Variants in THRA observed in about 807,000 individuals in gnomAD.
The protein encoded by THRA is thyroid hormone receptor alpha, also known as EAR-7.
Under a neutral mutation model 45.0 loss-of-function variants are expected in THRA, and 13 were observed. The ratio of observed to expected loss-of-function variants is 0.29; its 90% CI spans 0.19 to 0.46. THRA has a LOEUF of 0.46. Ranked by LOEUF, THRA falls within the 20% of genes least tolerant of loss-of-function variation. The pLI is 1.00. For synonymous variants in THRA, 195 were observed against 214.0 expected, an observed-to-expected ratio of 0.91 and a Z score of 0.78; for missense variants, 278 against 556.1, an observed-to-expected ratio of 0.50 and a Z score of 5.03.
At position 40,092,969 on chromosome 17, in the gene THRA, A is replaced by G. The variant is rs747714385; in HGVS notation, c.*3513A>G. On this transcript the variant is annotated 3_prime_UTR_variant, in exon 9 of 9. Coordinates refer to ENST00000450525, the MANE Select transcript of THRA (RefSeq NM_199334.5). ...CCAGAGGCTCATCTTGGAATATTTT[A>G]TAACAATATAAATAAGATTCTGGTT... 5.1e-6 allele frequency: 8 copies of G among 1,583,430 alleles called. No homozygotes were observed. Among genetic ancestry groups the G allele is most frequent in the Non-Finnish European group, 3.4e-6 (4 of 1,162,336 alleles).
Position 40,088,235 on chromosome 17 carries a change from T to C in THRA, c.724-7T>C, listed in dbSNP as rs1180450326. 6.3e-7 allele frequency: 1 copy of C among 1,576,322 alleles called. No individual in the cohort carries two copies. The highest frequency in any genetic ancestry group is 2.2e-5 in the East Asian group (1 of 44,526). On this transcript the variant is annotated splice_region_variant and splice_polypyrimidine_tract_variant and intron_variant, in intron 7 of 8. Coordinates refer to ENST00000450525, the MANE Select transcript of THRA (RefSeq NM_199334.5). ...CTGAGTGCTCCTGTGGCCCTGCCGC[T>C]CCACAGCTGCCTTGCGAAGACCAGA...
intron 1 of THRA, among the ~76,000 whole-genome samples, chr17:40,067,709 T>A (rs903943746): frequency 1.3e-5 from 2 of 151,890 alleles, no homozygotes; most frequent in African/African-American, 2.4e-5. Flanking sequence ...GCCTTTGGAG[T>A]GGGAACCAAT....
chr17:40,092,979 AAAT>A lies in THRA; in HGVS notation c.*3526_*3528del. Reference sequence around the variant, plus strand: ...ATCTTGGAATATTTTATAACAATATAAATAAGATTCTGGTTTGCTTTTCCTTTT... The same window carrying A: ...ATCTTGGAATATTTTATAACAATATAAAGATTCTGGTTTGCTTTTCCTTTT... On this transcript the variant is annotated 3_prime_UTR_variant, in exon 9 of 9. Coordinates refer to ENST00000450525, the MANE Select transcript of THRA (RefSeq NM_199334.5). The A allele has an allele frequency of 6.3e-7, 1 of 1,592,882 alleles. No individual in the cohort carries two copies. The highest frequency in any genetic ancestry group is 2.2e-5 in the East Asian group (1 of 44,490).
In THRA at chr17:40,088,092, T is replaced by C. The variant is rs537410080; in HGVS notation, c.724-150T>C. The C allele has an allele frequency of 9.6e-6, 10 of 1,044,234 alleles. No homozygotes were observed. In the African/African-American group the frequency reaches 1.3e-4, roughly 13 times the overall value. 64.7% of individuals were successfully genotyped at this position (1,044,234 alleles called of 1,614,324 possible). On this transcript the variant is annotated intron_variant, in intron 7 of 8. Coordinates refer to ENST00000450525, the MANE Select transcript of THRA (RefSeq NM_199334.5). ...GCATAACTGTGAGGCTTAAATGGAA[T>C]AGGGCATGCACATGGCCCAATACAA...
At chr17:40,084,379 G>T in intron 5 of THRA, 1 of 567,396 alleles carries the variant, frequency 1.8e-6, no homozygotes, top group South Asian at 2.0e-5. Context: ...TAATCCGTTA[G>T]ACCAGAACAT....
In THRA at chr17:40,083,828, A is replaced by T. The variant is rs749828350; in HGVS notation, c.223-7A>T. ...GATCACAGCCTGCTCCATCTCCCCC[A>T]CCCCAGGGCTTCTTTCGCCGCACAA... On this transcript the variant is annotated splice_polypyrimidine_tract_variant and splice_region_variant and intron_variant, in intron 4 of 8. Transcript: ENST00000450525. The T allele has an allele frequency of 2.5e-6, 4 of 1,592,836 alleles. No individual in the cohort carries two copies. Among genetic ancestry groups the T allele is most frequent in the Non-Finnish European group, 3.4e-6 (4 of 1,168,268 alleles).
At chr17:40,087,113 CAT>C (rs1225441301) in intron 7 of THRA, 5 of 470,520 alleles carry the variant, frequency 1.1e-5, no homozygotes, top group East Asian at 4.0e-5. Flanking sequence ...TACACACACA[CAT>C]ACACCCAGCA....
chr17:40,076,810 G>A lies in THRA; in HGVS notation c.54-61G>A, dbSNP rs368550429. The A allele has an allele frequency of 5.8e-5, 91 of 1,565,808 alleles. No individual in the cohort carries two copies. In the Middle Eastern group the frequency reaches 2.3e-3, roughly 40 times the overall value. ...CCTTGGGGGATTGCATAAGCCTCTCGGATGAGAAAGGGGCTACTCGAAGAC... is the reference window on the plus strand; with the variant it reads ...CCTTGGGGGATTGCATAAGCCTCTCAGATGAGAAAGGGGCTACTCGAAGAC... On this transcript the variant is annotated intron_variant, in intron 2 of 8. Transcript: ENST00000450525.
Position 40,089,984 on chromosome 17 carries a change from C to T in THRA, c.*528C>T. 1.0e-6 allele frequency: 1 copy of T among 988,650 alleles called. No individual in the cohort carries two copies. The highest frequency in any genetic ancestry group is 1.2e-6 in the Non-Finnish European group (1 of 831,918). 61.2% of individuals were successfully genotyped at this position (988,650 alleles called of 1,614,324 possible). A position where few individuals can be genotyped will look rare whatever the true frequency, so the allele number is the denominator to read the frequency against. ...TTAAAATTTATAGTCATTCTAACTG[C>T]ACTTTGGAAACCAAGCAAGGGGAGA... On this transcript the variant is annotated 3_prime_UTR_variant, in exon 9 of 9. Transcript: ENST00000450525. The surrounding 1 kb of genome is among the most constrained non-coding windows in gnomAD (Gnocchi z 6.1).
At chr17:40,070,629 C>A (rs1270579861) in intron 1 of THRA, among the ~76,000 whole-genome samples, 1 of 152,174 alleles carries the variant, frequency 6.6e-6, no homozygotes, top group African/African-American at 2.4e-5. Flanking sequence ...CAGCATCGCC[C>A]TTCCTGGCTC....
chr17:40,083,937 C>T lies in THRA; in HGVS notation c.325C>T (p.Leu109=). The T allele has an allele frequency of 1.2e-6, 2 of 1,613,942 alleles. No homozygotes were observed. The highest frequency in any genetic ancestry group is 1.7e-6 in the Non-Finnish European group (2 of 1,179,876). ...CAAGATCACCCGCAATCAGTGCCAG[C>T]TGTGCCGCTTCAAGAAGTGCATCGC... ...IDKITRNQCQ[L]CRFKKCIAVG... is the part of the protein sequence containing the mutation. The change falls in exon 5 of 9, where the codon CTG becomes TTG. Residue 109 remains leucine (L), a synonymous_variant. Coordinates refer to ENST00000450525, the MANE Select transcript of THRA (RefSeq NM_199334.5).
chr17:40,089,980 A>T lies in THRA; in HGVS notation c.*524A>T. The T allele has an allele frequency of 1.0e-6, 1 of 989,182 alleles. No individual in the cohort carries two copies. Among genetic ancestry groups the T allele is most frequent in the Non-Finnish European group, 1.2e-6 (1 of 832,238 alleles). The allele number at this position is 989,182 out of a possible 1,614,324, so 61.3% of individuals were successfully genotyped here. A position where few individuals can be genotyped will look rare whatever the true frequency, so the allele number is the denominator to read the frequency against. The stretch of plus-strand genomic sequence containing the variant: ...GAGGTTAAAATTTATAGTCATTCTA[A>T]CTGCACTTTGGAAACCAAGCAAGGG... On this transcript the variant is annotated 3_prime_UTR_variant, in exon 9 of 9. Transcript: ENST00000450525. This position sits in a 1 kb window ranked among gnomAD's most constrained non-coding sequence, Gnocchi z 6.1.
At chr17:40,073,283 A>G (rs1360933246) in intron 1 of THRA, among the ~76,000 whole-genome samples, 1 of 152,214 alleles carries the variant, frequency 6.6e-6, no homozygotes, top group Non-Finnish European at 1.5e-5. Context: ...GCAATGCCGT[A>G]GGAATGGTGG....
intron 1 of THRA, among the ~76,000 whole-genome samples, chr17:40,070,651 G>C (rs1001643698): frequency 1.3e-5 from 2 of 152,116 alleles, no homozygotes; most frequent in Non-Finnish European, 2.9e-5. Flanking sequence ...CATGGTGGGA[G>C]GCTGGGTGAT....
intron 2 of THRA, among the ~76,000 whole-genome samples, chr17:40,076,172 C>A (rs962650016): frequency 2.0e-5 from 3 of 152,158 alleles, no homozygotes; most frequent in African/African-American, 7.2e-5. Context: ...CATGGTGTCA[C>A]CAGGCACAAG....
At chr17:40,064,053 CAG>C (rs1986464753) in intron 1 of THRA, among the ~76,000 whole-genome samples, 1 of 152,118 alleles carries the variant, frequency 6.6e-6, no homozygotes, top group African/African-American at 2.4e-5. Flanking sequence ...CACGCAGACA[CAG>C]AGATATGTCC....
chr17:40,071,963 G>C (rs528203682), intron 1 of THRA: 63 of 152,306 alleles, frequency 4.1e-4, no homozygotes, highest in African/African-American at 1.5e-3. Context: ...CCACTACCAG[G>C]GGCTGACTGT....
At chr17:40,093,534 CA>C (rs776645601), downstream of THRA, 247 of 1,243,084 alleles carry the variant, frequency 2.0e-4, no homozygotes, top group Non-Finnish European at 2.5e-4. This position sits in a 1 kb window ranked among gnomAD's most constrained non-coding sequence, Gnocchi z 5.9. Context: ...CCTTCCTCAG[CA>C]GGCCAAACAT....
At chr17:40,062,883 G>T (rs1042738536), upstream of THRA, 1 of 148,396 alleles carries the variant, frequency 6.7e-6, no homozygotes, top group Non-Finnish European at 1.5e-5. Context: ...GCGGGGCGGG[G>T]GAGGGAGGAG....
Sources: allele counts gnomAD v4.1 joint callset (sites outside exome capture counted in the v4.1 genomes callset), GRCh38; gene constraint gnomAD v4.1.1; non-coding constraint Gnocchi (gnomAD v3.1); transcripts MANE v1.5; gene names NCBI Gene and HGNC (gene_info 2026-07-23, HGNC 2026-07-21).